ARHGAP5: variants seen among roughly 807,000 people sequenced by gnomAD.
ARHGAP5 encodes the protein rho GTPase-activating protein 5.
ARHGAP5 carries 23 observed loss-of-function variants against 116.6 expected under a neutral mutation model. That is an observed-to-expected ratio of 0.20 (90% CI 0.14 to 0.28). The LOEUF (loss-of-function observed/expected upper bound fraction) is 0.28, where lower values mean the gene tolerates loss of function less well. Among genes scored for constraint, ARHGAP5 ranks in the 10% least tolerant of loss-of-function variants. The probability of loss-of-function intolerance (pLI) is 1.00; values close to 1 mark genes in which losing one functional copy is unlikely to be tolerated. For synonymous variants in ARHGAP5, 574 were observed against 602.0 expected (o/e 0.95, Z 0.68); for missense variants, 1,405 against 1,774.8 (o/e 0.79, Z 3.74).
rs534076271 is a variant in ARHGAP5 at position 32,112,398 on chromosome 14, C to T, written c.3718-4742C>T. The stretch of plus-strand genomic sequence containing the variant: ...GTTTTCTTCTTCCTAGTCATGTTTA[C>T]GTATACAAATGAGAGTTTTTAATAT... On this transcript the variant is annotated intron_variant, in intron 2 of 6. Coordinates refer to ENST00000345122, the MANE Select transcript of ARHGAP5 (RefSeq NM_001030055.2). Among the ~76,000 whole-genome samples the T allele has an allele frequency of 3.9e-5, 6 of 152,190 alleles. No homozygotes were observed. In the East Asian group the frequency reaches 7.7e-4, roughly 20 times the overall value.
In ARHGAP5 at chr14:32,092,042, T is replaced by C. The variant is rs1878279975; in HGVS notation, c.1373T>C (p.Met458Thr). 7 of 1,613,750 alleles carry C rather than the reference T, an allele frequency of 4.3e-6. No individual in the cohort carries two copies. Among genetic ancestry groups the C allele is most frequent in the Non-Finnish European group, 5.9e-6 (7 of 1,179,756 alleles). Residue 458 changes from methionine to threonine, a missense_variant, in exon 2 of 7, where the codon ATG becomes ACG. Met to Thr is a moderately conservative substitution (Grantham distance 81, BLOSUM62 -1). This residue lies in a region of ARHGAP5 where 944 missense variants were observed against 1,095.3 expected (regional missense o/e 0.86). Coordinates refer to ENST00000345122, the MANE Select transcript of ARHGAP5 (RefSeq NM_001030055.2). The surrounding 1 kb of genome is among the most constrained non-coding windows in gnomAD (Gnocchi z 4.1). ...TGGGAGGAAGTTATGTGCTTTGTTA[T>C]GGAGGATGAAGCCTACAAATATATC... ...QPWEEVMCFV[M>T]EDEAYKYITE... is the part of the protein sequence containing the mutation.
chr14:32,148,024 A>T (rs1411104259), intron 4 of ARHGAP5, among the ~76,000 whole-genome samples: 4 of 152,176 alleles, frequency 2.6e-5, no homozygotes, highest in African/African-American at 4.8e-5. Context: ...ATGGTGGTAC[A>T]CATCTGTAAT....
rs1430681927 is a variant in ARHGAP5, at chr14:32,156,928, A to G, written c.*1980A>G. 1 of 152,418 alleles carries G rather than the reference A, an allele frequency of 6.6e-6. No individual in the cohort carries two copies. The highest frequency in any genetic ancestry group is 1.5e-5 in the Non-Finnish European group (1 of 67,822). The allele number at this position is 152,418 out of a possible 1,614,324, so 9.4% of individuals were successfully genotyped here. A position where few individuals can be genotyped will look rare whatever the true frequency, so the allele number is the denominator to read the frequency against. On this transcript the variant is annotated 3_prime_UTR_variant, in exon 7 of 7. Transcript: ENST00000345122. Reference sequence around the variant, plus strand: ...GTTCGTGTCTTCAGTTCATTCTGTCATAACTTTGCTATTGTAATATGTGAA... The same window carrying G: ...GTTCGTGTCTTCAGTTCATTCTGTCGTAACTTTGCTATTGTAATATGTGAA...
At chr14:32,108,644 A>G (rs918720019) in intron 2 of ARHGAP5, among the ~76,000 whole-genome samples, 3 of 152,120 alleles carry the variant, frequency 2.0e-5, no homozygotes, top group African/African-American at 7.2e-5. Flanking sequence ...TTTTAATTTC[A>G]GAATATGCTG....
At position 32,091,128 on chromosome 14, in the gene ARHGAP5, G is replaced by A. The variant is rs374638293; in HGVS notation, c.459G>A (p.Lys153=). 37 of 1,613,540 alleles carry A rather than the reference G, an allele frequency of 2.3e-5. No individual in the cohort carries two copies. The highest frequency in any genetic ancestry group is 2.8e-5 in the Non-Finnish European group (33 of 1,179,620). Residue 153 remains lysine (K), a synonymous_variant, in exon 2 of 7, where the codon AAG becomes AAA. Transcript: ENST00000345122. ...DFEQKQMPEG[K]LNVDGFLLCI... is the part of the protein sequence containing the mutation. ...AACAGAAGCAAATGCCTGAAGGGAAGCTCAACGTAGATGGATTTTTATTAT... is the reference window on the plus strand; with the variant it reads ...AACAGAAGCAAATGCCTGAAGGGAAACTCAACGTAGATGGATTTTTATTAT...
intron 3 of ARHGAP5, among the ~76,000 whole-genome samples, chr14:32,129,049 G>A (rs143854475): frequency 4.9e-4 from 74 of 152,262 alleles, no homozygotes; most frequent in African/African-American, 1.6e-3. Flanking sequence ...TTTATTGTCA[G>A]TATACCTCCT....
chr14:32,142,786 G>A (rs533141043), intron 3 of ARHGAP5, among the ~76,000 whole-genome samples: 2 of 152,310 alleles, frequency 1.3e-5, no homozygotes, highest in South Asian at 4.1e-4. Flanking sequence ...TCACCAAGAT[G>A]ATTACTGGTT....
intron 3 of ARHGAP5, among the ~76,000 whole-genome samples, chr14:32,125,088 T>C (rs1052123808): frequency 2.4e-4 from 36 of 152,312 alleles, no homozygotes; most frequent in African/African-American, 8.4e-4. Context: ...CAGTGTTGGA[T>C]AACCACCACC....
Position 32,092,255 on chromosome 14 carries a change from A to G in ARHGAP5, c.1586A>G (p.Lys529Arg). Residue 529 changes from lysine to arginine, a missense_variant, in exon 2 of 7, where the codon AAA (lysine) becomes AGA (arginine). Physicochemically the swap from Lys to Arg is conservative, Grantham distance 26. Coordinates refer to ENST00000345122, the MANE Select transcript of ARHGAP5 (RefSeq NM_001030055.2). This position sits in a 1 kb window ranked among gnomAD's most constrained non-coding sequence, Gnocchi z 4.1. ...HTVLSEEPRY[K>R]ALQKLAPDRE... is the part of the protein sequence containing the mutation. ...GTTCTGAGTGAAGAACCTAGATATA[A>G]AGCTTTACAGAAACTTGCACCTGAT... is the stretch of plus-strand genomic sequence containing the variant. The G allele has an allele frequency of 1.2e-6, 2 of 1,613,532 alleles. No individual in the cohort carries two copies. The highest frequency in any genetic ancestry group is 1.7e-6 in the Non-Finnish European group (2 of 1,179,690).
At chr14:32,094,457 G>A in intron 2 of ARHGAP5, 71 bp downstream of exon 2, 1 of 1,186,586 alleles carries the variant, frequency 8.4e-7, no homozygotes, top group South Asian at 1.6e-5. Context: ...ACTGACATCA[G>A]TGTTAGAATT....
chr14:32,078,486 TATCG>T (rs1566654288), intron 1 of ARHGAP5, among the ~76,000 whole-genome samples: 1 of 152,222 alleles, frequency 6.6e-6, no homozygotes, highest in Non-Finnish European at 1.5e-5. Context: ...TTTAAATTCT[TATCG>T]ATCATTTATT....
chr14:32,095,439 T>G (rs1193874472), intron 2 of ARHGAP5, among the ~76,000 whole-genome samples: 1 of 142,204 alleles, frequency 7.0e-6, no homozygotes, highest in Non-Finnish European at 1.5e-5. Flanking sequence ...TGAGATGGAG[T>G]TTCGCTCTTG....
At chr14:32,119,249 G>A (rs1566672770) in intron 3 of ARHGAP5, among the ~76,000 whole-genome samples, 1 of 151,734 alleles carries the variant, frequency 6.6e-6, no homozygotes, top group Non-Finnish European at 1.5e-5. Context: ...CTCTCAAAAT[G>A]AACTGTAGCA....
At chr14:32,096,994 A>G (rs1449037376) in intron 2 of ARHGAP5, among the ~76,000 whole-genome samples, 2 of 152,218 alleles carry the variant, frequency 1.3e-5, no homozygotes, top group Admixed American at 6.5e-5. Context: ...GATTTGGCCT[A>G]TTCTCATTGA....
chr14:32,085,614 TATG>T (rs2041821528), intron 1 of ARHGAP5, among the ~76,000 whole-genome samples: 1 of 152,210 alleles, frequency 6.6e-6, no homozygotes, highest in East Asian at 1.9e-4. Flanking sequence ...TTGTAGAATA[TATG>T]ATAATCTTTG....
At chr14:32,081,986 C>T (rs934262448) in intron 1 of ARHGAP5, among the ~76,000 whole-genome samples, 2 of 152,066 alleles carry the variant, frequency 1.3e-5, no homozygotes, top group African/African-American at 4.8e-5. Flanking sequence ...TGAAACTGTT[C>T]CCCCTCAGAT....
intron 3 of ARHGAP5, among the ~76,000 whole-genome samples, chr14:32,140,009 A>G (rs1179109638): frequency 2.0e-5 from 3 of 148,900 alleles, no homozygotes; most frequent in South Asian, 2.1e-4. Context: ...AATTTTGCCA[A>G]TATAATTTCC....
chr14:32,096,177 A>G (rs1347439923), intron 2 of ARHGAP5, among the ~76,000 whole-genome samples: 3 of 151,746 alleles, frequency 2.0e-5, no homozygotes, highest in Non-Finnish European at 4.4e-5. Context: ...TAAGTTGGAG[A>G]TAGTGGACTC....
intron 3 of ARHGAP5, among the ~76,000 whole-genome samples, chr14:32,117,676 T>C (rs1322225997): frequency 1.3e-5 from 2 of 152,368 alleles, no homozygotes; most frequent in South Asian, 2.1e-4. Flanking sequence ...CATGGATTTT[T>C]CTTTTAAAAC....
Sources: allele counts gnomAD v4.1 joint callset (sites outside exome capture counted in the v4.1 genomes callset), GRCh38; gene constraint gnomAD v4.1.1; regional missense constraint gnomAD v4.1.1; non-coding constraint Gnocchi (gnomAD v3.1); transcripts MANE v1.5; gene names NCBI Gene and HGNC (gene_info 2026-07-23, HGNC 2026-07-21).